TACR1: variants seen among roughly 807,000 people sequenced by gnomAD.
TACR1 encodes substance-P receptor.
In TACR1, 25 loss-of-function variants were observed where a neutral mutation model predicts 35.8. That is an observed-to-expected ratio of 0.70 (90% CI 0.51 to 0.98). The LOEUF is 0.98. TACR1 is among the 50% of genes least tolerant of loss of function. The pLI, the probability that TACR1 is intolerant of heterozygous loss-of-function variation, is 0.00. For synonymous variants in TACR1, 195 were observed against 206.7 expected, an observed-to-expected ratio of 0.94 and a Z score of 0.48; for missense variants, 478 against 522.9, an observed-to-expected ratio of 0.91 and a Z score of 0.84.
chr2:75,182,772 A>G (rs1343472695), intron 1 of TACR1, among the ~76,000 whole-genome samples: 1 of 152,202 alleles, frequency 6.6e-6, no homozygotes, highest in African/African-American at 2.4e-5. Context: ...TACCATCTAG[A>G]TTTGTGTAAG....
At chr2:75,068,095 T>C (rs1672802843) in intron 2 of TACR1, among the ~76,000 whole-genome samples, 1 of 152,238 alleles carries the variant, frequency 6.6e-6, no homozygotes, top group Non-Finnish European at 1.5e-5. Context: ...TATCTATGTC[T>C]ATGTCTCTAA....
At chr2:75,062,653 A>G (rs771636659) in intron 2 of TACR1, among the ~76,000 whole-genome samples, 4 of 152,164 alleles carry the variant, frequency 2.6e-5, no homozygotes, top group Non-Finnish European at 4.4e-5. Flanking sequence ...TCCCATTTTT[A>G]TTTCCCAAGG....
At chr2:75,053,901 A>C in intron 2 of TACR1, 146 bp from the exon 3 acceptor site, 1 of 1,035,272 alleles carries the variant, frequency 9.7e-7, no homozygotes, top group Non-Finnish European at 1.4e-6. Context: ...AGCCCACTCC[A>C]GGGAGACTTG....
chr2:75,105,042 T>C (rs965061738), intron 2 of TACR1, among the ~76,000 whole-genome samples: 2 of 152,062 alleles, frequency 1.3e-5, no homozygotes, highest in Non-Finnish European at 2.9e-5. Flanking sequence ...TGGGTATATA[T>C]CTGAAAGAAA....
chr2:75,097,480 C>T (rs1673446482), intron 2 of TACR1, among the ~76,000 whole-genome samples: 1 of 151,818 alleles, frequency 6.6e-6, no homozygotes, highest in South Asian at 2.1e-4. Context: ...TAATAAATGG[C>T]ACATTCAGGA....
At chr2:75,094,838 C>T (rs939536386) in intron 2 of TACR1, among the ~76,000 whole-genome samples, 1 of 119,878 alleles carries the variant, frequency 8.3e-6, no homozygotes, top group African/African-American at 4.6e-5. Context: ...GAAGCAGAAA[C>T]ATATATATAT....
At chr2:75,081,220 A>G (rs1673080128) in intron 2 of TACR1, among the ~76,000 whole-genome samples, 1 of 152,234 alleles carries the variant, frequency 6.6e-6, no homozygotes, top group African/African-American at 2.4e-5. Flanking sequence ...AGACTGTATA[A>G]TAATTAACAA....
intron 1 of TACR1, among the ~76,000 whole-genome samples, chr2:75,193,089 C>G (rs972281764): frequency 6.6e-6 from 1 of 152,078 alleles, no homozygotes; most frequent in Non-Finnish European, 1.5e-5. Context: ...TCCTCTCTCC[C>G]CTACTGCCCT....
chr2:75,184,785 A>G (rs995460250), intron 1 of TACR1, among the ~76,000 whole-genome samples: 3 of 151,612 alleles, frequency 2.0e-5, no homozygotes, highest in African/African-American at 7.2e-5. Context: ...ATATATAATA[A>G]AACTTTTTAA....
chr2:75,060,795 C>T (rs943206432), intron 2 of TACR1, among the ~76,000 whole-genome samples: 6 of 152,134 alleles, frequency 3.9e-5, no homozygotes, highest in East Asian at 1.9e-4. Flanking sequence ...CAGGAAGTGG[C>T]GCTGGCCTGA....
intron 2 of TACR1, among the ~76,000 whole-genome samples, chr2:75,081,289 A>G (rs538920475): frequency 1.8e-4 from 28 of 152,224 alleles, no homozygotes; most frequent in Non-Finnish European, 4.0e-4. Flanking sequence ...TGAAGGCAAG[A>G]GGGGTTCCTG....
intron 1 of TACR1, among the ~76,000 whole-genome samples, chr2:75,154,742 C>T (rs1674802522): frequency 6.6e-6 from 1 of 151,946 alleles, no homozygotes; most frequent in South Asian, 2.1e-4. Flanking sequence ...GTTTTCTGGC[C>T]CCAGGTCTCT....
intron 1 of TACR1, among the ~76,000 whole-genome samples, chr2:75,193,092 ACTGC>A (rs1194014561): frequency 1.0e-4 from 15 of 150,676 alleles, no homozygotes; most frequent in Non-Finnish European, 1.9e-4. Flanking sequence ...TCTCTCCCCT[ACTGC>A]CCTCCCTCTC....
intron 1 of TACR1, among the ~76,000 whole-genome samples, chr2:75,165,473 T>C (rs1675117538): frequency 6.6e-6 from 1 of 152,032 alleles, no homozygotes; most frequent in South Asian, 2.1e-4. Context: ...CATGCCCAGC[T>C]AATTTTTTGT....
intron 2 of TACR1, among the ~76,000 whole-genome samples, chr2:75,056,670 G>A (rs547555798): frequency 5.3e-5 from 8 of 152,224 alleles, no homozygotes; most frequent in African/African-American, 1.9e-4. Flanking sequence ...CTTTCCCTTT[G>A]TGAAATCACA....
Position 75,094,868 on chromosome 2 carries a change from T to C in TACR1, c.584+25706A>G, listed in dbSNP as rs895588640. 4.2e-3 allele frequency among the ~76,000 whole-genome samples: 620 copies of C among 147,340 alleles called. 36 individuals are homozygous for C. The highest frequency in any genetic ancestry group is 0.016 in the African/African-American group (593 of 38,216). On this transcript the variant is annotated intron_variant, in intron 2 of 4. Coordinates refer to ENST00000305249, the MANE Select transcript of TACR1 (RefSeq NM_001058.4). ...ATATATATATATATATATTTTTTTT[T>C]TTTTTGCCCAAGATGGCAAAGAGAA...
intron 1 of TACR1, among the ~76,000 whole-genome samples, chr2:75,158,434 A>G (rs1445595642): frequency 1.3e-5 from 2 of 152,236 alleles, no homozygotes; most frequent in East Asian, 3.8e-4. Context: ...ATTTTCTAAA[A>G]TATCAAAAAA....
chr2:75,151,142 T>C (rs535419398), intron 1 of TACR1, among the ~76,000 whole-genome samples: 23 of 152,314 alleles, frequency 1.5e-4, no homozygotes, highest in African/African-American at 4.8e-4. Context: ...ATTTGTAGTC[T>C]GACTATGCGA....
intron 2 of TACR1, among the ~76,000 whole-genome samples, chr2:75,086,204 C>A (rs1673185103): frequency 1.3e-5 from 2 of 152,176 alleles, no homozygotes. Context: ...AGCAGAGGAA[C>A]TGGGAATGTG....
Sources: gnomAD v4.1 joint callset for allele counts (sites outside exome capture counted in the v4.1 genomes callset) on GRCh38, gnomAD v4.1.1 for gene constraint, MANE v1.5 for transcripts, NCBI Gene and HGNC (gene_info 2026-07-23, HGNC 2026-07-21) for gene names.